The following CADPS2 variants were observed in gnomAD, a reference collection of about 807,000 sequenced individuals.
CADPS2 encodes the protein calcium-dependent secretion activator 2.
A neutral mutation model predicts 172.5 loss-of-function variants in CADPS2; 93 were observed. The ratio of observed to expected loss-of-function variants is 0.54; its 90% confidence interval spans 0.46 to 0.64. CADPS2 has a LOEUF of 0.64. Among genes scored for constraint, CADPS2 ranks in the 30% least tolerant of loss-of-function variants. The pLI, the probability that CADPS2 is intolerant of heterozygous loss-of-function variation, is 0.00. For missense variants in CADPS2, 1,420 were observed against 1,565.9 expected (o/e 0.91, Z 1.57); for synonymous variants, 546 against 555.2 (o/e 0.98, Z 0.23).
chr7:122,664,309 AT>A (rs916236108), intron 2 of CADPS2, among the ~76,000 whole-genome samples: 29 of 152,094 alleles, frequency 1.9e-4, no homozygotes, highest in African/African-American at 7.0e-4. Flanking sequence ...CCCATCCCTG[AT>A]TTTACCACCT....
intron 28 of CADPS2, chr7:122,330,958 G>T (rs898733347): frequency 6.6e-6 from 1 of 152,146 alleles, no homozygotes; most frequent in Non-Finnish European, 1.5e-5. Context: ...AAAATACTAA[G>T]ATTTGAATGC....
intron 14 of CADPS2, among the ~76,000 whole-genome samples, chr7:122,453,174 T>G (rs1416448558): frequency 6.6e-6 from 1 of 152,182 alleles, no homozygotes; most frequent in East Asian, 1.9e-4. Context: ...TCGACCACAT[T>G]TATTCCATCT....
intron 1 of CADPS2, among the ~76,000 whole-genome samples, chr7:122,774,101 AAAG>A (rs2093791284): frequency 6.6e-6 from 1 of 152,068 alleles, no homozygotes; most frequent in Non-Finnish European, 1.5e-5. Flanking sequence ...TAAAAAAGAG[AAAG>A]AATAACTTTT....
chr7:122,602,942 T>C (rs1005381700), intron 6 of CADPS2, among the ~76,000 whole-genome samples: 1 of 152,128 alleles, frequency 6.6e-6, no homozygotes, highest in South Asian at 2.1e-4. Flanking sequence ...TCATGTAATG[T>C]ATTAACATGG....
intron 8 of CADPS2, among the ~76,000 whole-genome samples, chr7:122,539,140 T>A (rs998824795): frequency 1.3e-5 from 2 of 152,130 alleles, no homozygotes; most frequent in African/African-American, 4.8e-5. Flanking sequence ...CCAAAGTTCA[T>A]GTGTCAGACA....
chr7:122,498,578 C>G (rs1013205512), intron 9 of CADPS2, among the ~76,000 whole-genome samples: 1 of 152,064 alleles, frequency 6.6e-6, no homozygotes, highest in Non-Finnish European at 1.5e-5. Flanking sequence ...CAGATTCTAA[C>G]CAATATTCCA....
intron 1 of CADPS2, among the ~76,000 whole-genome samples, chr7:122,789,109 G>A (rs1046117864): frequency 2.0e-5 from 3 of 152,046 alleles, no homozygotes; most frequent in African/African-American, 2.4e-5. Flanking sequence ...CTTGGTCCTC[G>A]GCTTGGGTGC....
chr7:122,589,751 G>A (rs1423948903), intron 6 of CADPS2, among the ~76,000 whole-genome samples: 1 of 151,864 alleles, frequency 6.6e-6, no homozygotes, highest in African/African-American at 2.4e-5. Flanking sequence ...CATAGAAACT[G>A]TTGTATAAAC....
intron 8 of CADPS2, among the ~76,000 whole-genome samples, chr7:122,546,504 C>T (rs1037464252): frequency 3.9e-5 from 6 of 152,160 alleles, no homozygotes; most frequent in African/African-American, 1.4e-4. Flanking sequence ...CTATCCTTTG[C>T]TATGTTCCAT....
At chr7:122,464,983 TCTTTTAGTAA>T (rs1180217815) in intron 14 of CADPS2, among the ~76,000 whole-genome samples, 1 of 152,194 alleles carries the variant, frequency 6.6e-6, no homozygotes, top group Non-Finnish European at 1.5e-5. Flanking sequence ...CTCTATGCAC[TCTTTTAGTAA>T]CTTTTCTGTA....
chr7:122,379,510 G>T (rs780607943), intron 24 of CADPS2, 68 bp from the exon 25 acceptor site: 1 of 917,170 alleles, frequency 1.1e-6, no homozygotes, highest in Non-Finnish European at 1.8e-6. Context: ...AGTCATAAAT[G>T]CTCTAAATCT....
chr7:122,547,813 C>A (rs1459145451), intron 8 of CADPS2, among the ~76,000 whole-genome samples: 2 of 152,080 alleles, frequency 1.3e-5, no homozygotes, highest in Non-Finnish European at 2.9e-5. Context: ...GGATGGGCTG[C>A]TGTAGAGACA....
At chr7:122,790,537 G>A (rs1795080888) in intron 1 of CADPS2, among the ~76,000 whole-genome samples, 1 of 151,618 alleles carries the variant, frequency 6.6e-6, no homozygotes, top group Non-Finnish European at 1.5e-5. Flanking sequence ...TGCAAATAAA[G>A]ACTGTATAGT....
At chr7:122,545,456 T>C (rs1248100159) in intron 8 of CADPS2, among the ~76,000 whole-genome samples, 1 of 152,130 alleles carries the variant, frequency 6.6e-6, no homozygotes, top group Non-Finnish European at 1.5e-5. Flanking sequence ...GTGTTGGGTA[T>C]AAAATCTAGA....
chr7:122,533,472 C>G (rs2061958783), intron 8 of CADPS2, among the ~76,000 whole-genome samples: 1 of 152,108 alleles, frequency 6.6e-6, no homozygotes. Flanking sequence ...TGTAACCACT[C>G]AAATCAACAA....
At chr7:122,471,242 T>A in intron 14 of CADPS2, 133 bp downstream of exon 14, 4 of 341,472 alleles carry the variant, frequency 1.2e-5, no homozygotes, top group Non-Finnish European at 1.9e-5. Context: ...TTCTCTGTCG[T>A]TTTTTTTTTT....
intron 28 of CADPS2, among the ~76,000 whole-genome samples, chr7:122,326,324 C>G (rs1004909750): frequency 6.6e-6 from 1 of 152,034 alleles, no homozygotes; most frequent in Non-Finnish European, 1.5e-5. Context: ...TATTACAACT[C>G]TCTTAAGAGA....
intron 6 of CADPS2, among the ~76,000 whole-genome samples, chr7:122,583,646 C>A (rs1183663899): frequency 6.7e-6 from 1 of 150,320 alleles, no homozygotes; most frequent in African/African-American, 2.4e-5. Context: ...ATATATATCA[C>A]AATTATATAT....
At chr7:122,617,024 C>T (rs989925848) in intron 5 of CADPS2, among the ~76,000 whole-genome samples, 3 of 152,224 alleles carry the variant, frequency 2.0e-5, no homozygotes, top group East Asian at 1.9e-4. Flanking sequence ...AAGAGCATTG[C>T]TTCATATTTC....
Sources: gnomAD v4.1 joint callset for allele counts (sites outside exome capture counted in the v4.1 genomes callset) on GRCh38, gnomAD v4.1.1 for gene constraint, MANE v1.5 for transcripts, NCBI Gene and HGNC (gene_info 2026-07-23, HGNC 2026-07-21) for gene names.